Variants in FHIT observed in about 807,000 individuals in gnomAD.
FHIT encodes the protein bis(5'-adenosyl)-triphosphatase.
In FHIT, 19 loss-of-function variants were observed where a neutral mutation model predicts 17.9. The observed-to-expected ratio is 1.06, with a 90% CI of 0.74 to 1.56. FHIT has a LOEUF of 1.56. Ranked by LOEUF, FHIT falls within the 40% of genes most tolerant of loss-of-function variation. The probability of loss-of-function intolerance (pLI) is 0.00; values close to 1 mark genes in which losing one functional copy is unlikely to be tolerated. For synonymous variants in FHIT, 81 were observed against 69.7 expected (o/e 1.16, Z -0.81); for missense variants, 248 against 189.2 (o/e 1.31, Z -1.82).
At chr3:60,155,162 G>A (rs571675402) in intron 5 of FHIT, among the ~76,000 whole-genome samples, 300 of 131,818 alleles carry the variant, frequency 2.3e-3, no homozygotes, top group African/African-American at 7.7e-3. Context: ...CTACAGCCTG[G>A]GTGACAGAGT....
intron 5 of FHIT, among the ~76,000 whole-genome samples, chr3:60,223,395 G>T (rs1202993587): frequency 6.6e-6 from 1 of 152,166 alleles, no homozygotes; most frequent in Non-Finnish European, 1.5e-5. Flanking sequence ...TCTTGGAACC[G>T]CTGAATCATA....
At chr3:60,523,284 A>G (rs2035444346) in intron 5 of FHIT, among the ~76,000 whole-genome samples, 1 of 152,172 alleles carries the variant, frequency 6.6e-6, no homozygotes, top group Admixed American at 6.5e-5. Context: ...CTTTTGGTCC[A>G]TCTTACTTTC....
intron 5 of FHIT, among the ~76,000 whole-genome samples, chr3:60,101,481 C>G (rs1053204283): frequency 3.3e-5 from 5 of 152,208 alleles, no homozygotes; most frequent in African/African-American, 1.2e-4. Flanking sequence ...TCTACCTATG[C>G]TTTCTACAAA....
chr3:59,849,182 C>T (rs1182521190), intron 8 of FHIT, among the ~76,000 whole-genome samples: 1 of 152,024 alleles, frequency 6.6e-6, no homozygotes, highest in Non-Finnish European at 1.5e-5. Context: ...ACCAGCCTGG[C>T]CAACATGGTG....
chr3:60,264,759 C>G (rs1706484555), intron 5 of FHIT, among the ~76,000 whole-genome samples: 1 of 151,836 alleles, frequency 6.6e-6, no homozygotes, highest in Non-Finnish European at 1.5e-5. Flanking sequence ...ATCAATATAT[C>G]AAAACCATGT....
intron 3 of FHIT, among the ~76,000 whole-genome samples, chr3:60,920,698 G>A (rs1334766155): frequency 2.0e-5 from 3 of 152,098 alleles, no homozygotes; most frequent in Admixed American, 6.6e-5. Flanking sequence ...AAGGCGTGGG[G>A]AGAACTGCAG....
chr3:60,382,963 C>A (rs1403647805), intron 5 of FHIT, among the ~76,000 whole-genome samples: 1 of 152,166 alleles, frequency 6.6e-6, no homozygotes, highest in Non-Finnish European at 1.5e-5. Context: ...ACTAGCTTGT[C>A]AAATCAAATT....
intron 5 of FHIT, among the ~76,000 whole-genome samples, chr3:60,178,515 G>A (rs1240145127): frequency 6.6e-6 from 1 of 152,064 alleles, no homozygotes; most frequent in Non-Finnish European, 1.5e-5. Flanking sequence ...GAACCCTGGA[G>A]GCAGAGGTTG....
intron 5 of FHIT, among the ~76,000 whole-genome samples, chr3:60,119,495 T>G (rs141907285): frequency 0.013 from 1,914 of 152,294 alleles, 40 homozygotes; most frequent in African/African-American, 0.042. Context: ...AAATCAGTGG[T>G]GTACTTACAA....
chr3:60,614,837 T>G lies in FHIT; in HGVS notation c.-17-77858A>C, dbSNP rs868945929. On this transcript the variant is annotated intron_variant, in intron 4 of 9. Coordinates refer to ENST00000492590, the MANE Select transcript of FHIT (RefSeq NM_002012.4). The stretch of plus-strand genomic sequence containing the variant: ...TTTTTTTTGTTTTTTTTTTGTTTTT[T>G]TTTTGTTTTTTGAGATGGAGCCCTG... Among the ~76,000 whole-genome samples, 33 of 73,440 alleles carry G rather than the reference T, an allele frequency of 4.5e-4. 2 individuals carry two copies. The highest frequency in any genetic ancestry group is 1.1e-3 in the South Asian group (3 of 2,674). 48.2% of individuals were successfully genotyped at this position (73,440 alleles called of 152,430 possible). A position where few individuals can be genotyped will look rare whatever the true frequency, so the allele number is the denominator to read the frequency against.
At chr3:60,711,687 G>C (rs551304753) in intron 4 of FHIT, among the ~76,000 whole-genome samples, 1 of 152,298 alleles carries the variant, frequency 6.6e-6, no homozygotes, top group South Asian at 2.1e-4. Context: ...GATGGAAGAT[G>C]AAATGAATGA....
chr3:60,505,539 A>G (rs899970785), intron 5 of FHIT, among the ~76,000 whole-genome samples: 2 of 152,242 alleles, frequency 1.3e-5, no homozygotes, highest in Non-Finnish European at 2.9e-5. Flanking sequence ...TGTAACTAAT[A>G]CAGACGCACA....
chr3:60,864,184 C>T (rs1367197285), intron 3 of FHIT, among the ~76,000 whole-genome samples: 2 of 152,076 alleles, frequency 1.3e-5, no homozygotes, highest in Non-Finnish European at 2.9e-5. Context: ...TACCTCCTAC[C>T]CACTGGGTCC....
intron 5 of FHIT, among the ~76,000 whole-genome samples, chr3:60,346,603 T>C (rs1365946864): frequency 6.6e-6 from 1 of 152,198 alleles, no homozygotes; most frequent in Non-Finnish European, 1.5e-5. Flanking sequence ...TTTTTTCCTT[T>C]TCGCCAAATA....
intron 4 of FHIT, among the ~76,000 whole-genome samples, chr3:60,571,851 T>C (rs1219737966): frequency 6.6e-6 from 1 of 152,194 alleles, no homozygotes; most frequent in Non-Finnish European, 1.5e-5. Context: ...AAGAATTCTC[T>C]TTCCATAGCA....
At chr3:60,997,911 G>A (rs940058540) in intron 3 of FHIT, among the ~76,000 whole-genome samples, 3 of 152,144 alleles carry the variant, frequency 2.0e-5, no homozygotes, top group African/African-American at 4.8e-5. Flanking sequence ...TTGTAATTTT[G>A]TTTTCAGAAG....
chr3:60,105,441 G>C (rs530489552), intron 5 of FHIT, among the ~76,000 whole-genome samples: 2 of 152,146 alleles, frequency 1.3e-5, no homozygotes, highest in Non-Finnish European at 2.9e-5. Context: ...TTTATTTCTT[G>C]AGACTGAGAT....
At chr3:60,508,585 T>G (rs545711577) in intron 5 of FHIT, among the ~76,000 whole-genome samples, 1 of 152,302 alleles carries the variant, frequency 6.6e-6, no homozygotes, top group East Asian at 1.9e-4. Context: ...TCTTTCCATA[T>G]AATCTATGTC....
intron 7 of FHIT, among the ~76,000 whole-genome samples, chr3:59,986,966 G>A: frequency 8.6e-6 from 1 of 116,786 alleles, no homozygotes; most frequent in African/African-American, 3.3e-5. Context: ...TATATGTATA[G>A]GATTTACTAT....
Sources: gnomAD v4.1 joint callset for allele counts (sites outside exome capture counted in the v4.1 genomes callset) on GRCh38, gnomAD v4.1.1 for gene constraint, MANE v1.5 for transcripts, NCBI Gene and HGNC (gene_info 2026-07-23, HGNC 2026-07-21) for gene names.